SLC22A3: variants seen among roughly 807,000 people sequenced by gnomAD.
The protein encoded by SLC22A3 is solute carrier family 22 member 3.
In SLC22A3, 51 loss-of-function variants were observed where a neutral mutation model predicts 59.1. The ratio of observed to expected loss-of-function variants is 0.86; its 90% CI spans 0.69 to 1.09. SLC22A3 has a LOEUF of 1.09. Ranked by LOEUF, SLC22A3 falls within the 50% of genes least tolerant of loss-of-function variation. The probability of loss-of-function intolerance (pLI) is 0.00; values close to 1 mark genes in which losing one functional copy is unlikely to be tolerated. For missense variants in SLC22A3, 711 were observed against 726.3 expected (o/e 0.98, Z 0.24); for synonymous variants, 325 against 292.0 (o/e 1.11, Z -1.15).
chr6:160,384,039 C>T (rs771904279), intron 1 of SLC22A3, among the ~76,000 whole-genome samples: 1 of 152,158 alleles, frequency 6.6e-6, no homozygotes, highest in Non-Finnish European at 1.5e-5. Flanking sequence ...AAGCAATTCT[C>T]CTGCCTCAGC....
chr6:160,348,915 C>T, intron 1 of SLC22A3, 67 bp downstream of exon 1: 1 of 1,533,808 alleles, frequency 6.5e-7, no homozygotes. Flanking sequence ...GCGGACAAGC[C>T]GCGTGTGAGA....
intron 2 of SLC22A3, among the ~76,000 whole-genome samples, chr6:160,403,110 G>T (rs1583481290): frequency 6.6e-6 from 1 of 150,686 alleles, no homozygotes; most frequent in South Asian, 2.1e-4. Context: ...TATTTGAAAC[G>T]ATCAAAAAAA....
chr6:160,378,239 T>A (rs1785668181), intron 1 of SLC22A3, among the ~76,000 whole-genome samples: 1 of 152,316 alleles, frequency 6.6e-6, no homozygotes, highest in Non-Finnish European at 1.5e-5. Context: ...TTTAGAAGTT[T>A]AAAAAAGATA....
Position 160,452,356 on chromosome 6 carries a change from A to C in SLC22A3, c.*1300A>C, listed in dbSNP as rs1789000658. The stretch of plus-strand genomic sequence containing the variant: ...GCGCTAATCGTAAAATGAGCATCTT[A>C]GTCTTTAAAACACATCAGAATTGAA... On this transcript the variant is annotated 3_prime_UTR_variant, in exon 11 of 11. Transcript: ENST00000275300. 1 of 152,238 alleles carries C rather than the reference A, an allele frequency of 6.6e-6. No individual in the cohort carries two copies. The highest frequency in any genetic ancestry group is 2.1e-4 in the South Asian group (1 of 4,832). 9.4% of individuals were successfully genotyped at this position (152,238 alleles called of 1,614,324 possible). A position where few individuals can be genotyped will look rare whatever the true frequency, so the allele number is the denominator to read the frequency against.
At chr6:160,450,842 A>C (rs978359076) in intron 10 of SLC22A3, among the ~76,000 whole-genome samples, 154 bp from the exon 11 acceptor site, 2 of 152,198 alleles carry the variant, frequency 1.3e-5, no homozygotes, top group African/African-American at 4.8e-5. Flanking sequence ...ACAGACAAAA[A>C]ATGATCCTGG....
intron 10 of SLC22A3, among the ~76,000 whole-genome samples, chr6:160,450,120 G>A (rs1338190922): frequency 1.3e-5 from 2 of 152,198 alleles, no homozygotes; most frequent in African/African-American, 4.8e-5. Flanking sequence ...AATTTACCAG[G>A]GCGGGGTTTC....
chr6:160,401,055 A>G (rs969332315), intron 2 of SLC22A3, among the ~76,000 whole-genome samples: 2 of 151,710 alleles, frequency 1.3e-5, no homozygotes, highest in Non-Finnish European at 2.9e-5. Flanking sequence ...AGAATGTTCA[A>G]TAACTGTGGG....
At chr6:160,418,767 C>T (rs1787611101) in intron 5 of SLC22A3, among the ~76,000 whole-genome samples, 2 of 152,136 alleles carry the variant, frequency 1.3e-5, no homozygotes, top group South Asian at 4.1e-4. Context: ...GGGATATACT[C>T]ATAGAGAATA....
chr6:160,390,543 C>T (rs769151215), intron 1 of SLC22A3, among the ~76,000 whole-genome samples: 11 of 151,890 alleles, frequency 7.2e-5, no homozygotes, highest in South Asian at 2.1e-4. Flanking sequence ...CAGTATCTTG[C>T]GGGTCCAGGC....
At chr6:160,401,863 TA>T (rs946012678) in intron 2 of SLC22A3, among the ~76,000 whole-genome samples, 5 of 151,920 alleles carry the variant, frequency 3.3e-5, no homozygotes, top group African/African-American at 1.2e-4. Flanking sequence ...AGATTTTTTT[TA>T]AAAAAGCATG....
At chr6:160,400,485 G>A (rs997760169) in intron 2 of SLC22A3, among the ~76,000 whole-genome samples, 18 of 152,164 alleles carry the variant, frequency 1.2e-4, no homozygotes, top group African/African-American at 3.9e-4. Flanking sequence ...TCACCGTTTA[G>A]AGACATAGGT....
chr6:160,441,200 C>T (rs1423553167), intron 7 of SLC22A3, among the ~76,000 whole-genome samples: 1 of 152,138 alleles, frequency 6.6e-6, no homozygotes, highest in Non-Finnish European at 1.5e-5. Context: ...TCCCATCGGG[C>T]TGGGACCCAG....
chr6:160,404,026 C>T (rs73590824), intron 2 of SLC22A3, among the ~76,000 whole-genome samples: 4,100 of 152,036 alleles, frequency 0.027, 175 homozygotes, highest in African/African-American at 0.094. Flanking sequence ...AATATGTCAT[C>T]TCTAATAACT....
At chr6:160,364,475 T>C (rs2457557) in intron 1 of SLC22A3, among the ~76,000 whole-genome samples, 124,380 of 152,238 alleles carry the variant, frequency 0.82, 51,164 homozygotes, top group East Asian at 1. Context: ...TTCATCTTGA[T>C]GGGATTTCTG....
chr6:160,401,338 G>A (rs1356241639), intron 2 of SLC22A3, among the ~76,000 whole-genome samples: 1 of 151,832 alleles, frequency 6.6e-6, no homozygotes, highest in Non-Finnish European at 1.5e-5. Context: ...TAGTAAAAGA[G>A]CAATGATAAA....
At chr6:160,354,352 G>A (rs1052246739) in intron 1 of SLC22A3, among the ~76,000 whole-genome samples, 1 of 152,206 alleles carries the variant, frequency 6.6e-6, no homozygotes, top group Non-Finnish European at 1.5e-5. Flanking sequence ...CTTGACATAT[G>A]CTTGCAAAGT....
intron 1 of SLC22A3, 51 bp downstream of exon 1, chr6:160,348,899 T>C: frequency 6.5e-7 from 1 of 1,536,936 alleles, no homozygotes; most frequent in Non-Finnish European, 8.7e-7. Context: ...CGATGCTGGC[T>C]CCCAGGCGGA....
intron 1 of SLC22A3, among the ~76,000 whole-genome samples, chr6:160,356,740 A>G (rs1470490907): frequency 6.6e-6 from 1 of 152,182 alleles, no homozygotes. Flanking sequence ...ATGTATTTAT[A>G]TTCTGTGAGG....
intron 1 of SLC22A3, among the ~76,000 whole-genome samples, chr6:160,383,794 G>C (rs898328089): frequency 2.0e-5 from 3 of 148,506 alleles, no homozygotes; most frequent in African/African-American, 7.5e-5. Flanking sequence ...GTTTTAAAAA[G>C]CAAAAAAAAA....
Sources: gnomAD v4.1 joint callset for allele counts (sites outside exome capture counted in the v4.1 genomes callset) on GRCh38, gnomAD v4.1.1 for gene constraint, MANE v1.5 for transcripts, NCBI Gene and HGNC (gene_info 2026-07-23, HGNC 2026-07-21) for gene names.